The following CAMTA1 variants were observed in gnomAD, a reference collection of about 807,000 sequenced individuals.
CAMTA1 encodes the protein calmodulin-binding transcription activator 1.
Under a neutral mutation model 170.9 loss-of-function variants are expected in CAMTA1, and 27 were observed. The observed-to-expected ratio is 0.16, with a 90% confidence interval of 0.12 to 0.22. The LOEUF (loss-of-function observed/expected upper bound fraction) is 0.22, where lower values mean the gene tolerates loss of function less well. Ranked by LOEUF, CAMTA1 falls within the 10% of genes least tolerant of loss-of-function variation. The probability of loss-of-function intolerance (pLI) is 1.00; values close to 1 mark genes in which losing one functional copy is unlikely to be tolerated. For synonymous variants in CAMTA1, 833 were observed against 891.5 expected (o/e 0.93, Z 1.17); for missense variants, 1,619 against 2,217.2 (o/e 0.73, Z 5.42).
At chr1:7,102,599 G>A (rs1221255415) in intron 4 of CAMTA1, among the ~76,000 whole-genome samples, 1 of 152,202 alleles carries the variant, frequency 6.6e-6, no homozygotes, top group Non-Finnish European at 1.5e-5. Flanking sequence ...GCGCAAGGAT[G>A]GAGGAGGGAA....
intron 3 of CAMTA1, among the ~76,000 whole-genome samples, chr1:6,997,726 TC>T (rs1697531166): frequency 2.0e-5 from 3 of 148,092 alleles, no homozygotes. Context: ...AGTGGCTCGA[TC>T]TTGGCTCACT....
rs149715260 is a variant in CAMTA1, at chr1:7,374,775, C to A, written c.439-93055C>A. Among the ~76,000 whole-genome samples the A allele has an allele frequency of 4.8e-3, 735 of 152,336 alleles. 1 individual carries two copies. The highest frequency in any genetic ancestry group is 8.2e-3 in the Non-Finnish European group (555 of 68,028). On this transcript the variant is annotated intron_variant, in intron 5 of 22. Transcript: ENST00000303635. Reference sequence around the variant, plus strand: ...AGGAACTCTCTGGGCTTCTTACCAGCCTCTAGGCCACTCACTATTCATGCT... The same window carrying A: ...AGGAACTCTCTGGGCTTCTTACCAGACTCTAGGCCACTCACTATTCATGCT...
At chr1:7,406,677 T>C (rs2090317512) in intron 5 of CAMTA1, among the ~76,000 whole-genome samples, 1 of 151,686 alleles carries the variant, frequency 6.6e-6, no homozygotes, top group South Asian at 2.1e-4. Context: ...GAGAGATGCA[T>C]ACATGTATAC....
rs147199703 is a variant in CAMTA1 at position 7,559,554 on chromosome 1, G to A, written c.511-80846G>A. Reference sequence around the variant, plus strand: ...CCTGCCGACTTGGTGTTTTCACGCCGAGCACAGCTCGGAGCCCTGCAGAAG... The same window carrying A: ...CCTGCCGACTTGGTGTTTTCACGCCAAGCACAGCTCGGAGCCCTGCAGAAG... On this transcript the variant is annotated intron_variant, in intron 6 of 22. Coordinates refer to ENST00000303635, the MANE Select transcript of CAMTA1 (RefSeq NM_015215.4). Among the ~76,000 whole-genome samples the A allele has an allele frequency of 3.7e-4, 57 of 152,328 alleles. No homozygotes were observed. In the East Asian group the frequency reaches 0.01, roughly 27 times the overall value.
intron 3 of CAMTA1, among the ~76,000 whole-genome samples, chr1:6,929,171 T>C (rs1683909159): frequency 6.6e-6 from 1 of 152,172 alleles, no homozygotes; most frequent in African/African-American, 2.4e-5. Flanking sequence ...TCTTCTCTTT[T>C]TGTTTTGTTT....
chr1:7,103,890 CACA>C (rs1573064978), intron 4 of CAMTA1, among the ~76,000 whole-genome samples: 1 of 147,162 alleles, frequency 6.8e-6, no homozygotes, highest in Non-Finnish European at 1.5e-5. Flanking sequence ...CACATGTACA[CACA>C]ACACACAACT....
intron 5 of CAMTA1, among the ~76,000 whole-genome samples, chr1:7,388,938 C>T (rs976569803): frequency 2.0e-5 from 3 of 152,208 alleles, no homozygotes; most frequent in African/African-American, 4.8e-5. Flanking sequence ...CCCACCAGAC[C>T]GAGCTTCCTG....
chr1:7,504,932 G>A (rs1439640991), intron 6 of CAMTA1, among the ~76,000 whole-genome samples: 2 of 150,836 alleles, frequency 1.3e-5, no homozygotes, highest in Non-Finnish European at 1.5e-5. Context: ...CTTCACGGGC[G>A]GACATGGCAC....
intron 4 of CAMTA1, among the ~76,000 whole-genome samples, chr1:7,229,451 G>A (rs1475990637): frequency 4.7e-5 from 5 of 106,554 alleles, no homozygotes; most frequent in Admixed American, 1.9e-4. Context: ...GGGGTGTGAA[G>A]GGGAGAAGGA....
chr1:7,253,929 C>T (rs975598077), intron 5 of CAMTA1, among the ~76,000 whole-genome samples: 9 of 152,166 alleles, frequency 5.9e-5, no homozygotes, highest in Admixed American at 3.3e-4. Context: ...GTAAAGAGAA[C>T]GTGTGGTCCC....
At position 7,685,418 on chromosome 1, in the gene CAMTA1, C is replaced by A. The variant is rs80049809; in HGVS notation, c.2914+7685C>A. Among the ~76,000 whole-genome samples the A allele has an allele frequency of 6.6e-6, 1 of 152,178 alleles. No homozygotes were observed. Among genetic ancestry groups the A allele is most frequent in the Non-Finnish European group, 1.5e-5 (1 of 68,024 alleles). Reference sequence around the variant, plus strand: ...ACACACTGACCAGCTTGGCTCCTGCCGAGACCACAGCACATCCCTGTGGAC... The same window carrying A: ...ACACACTGACCAGCTTGGCTCCTGCAGAGACCACAGCACATCCCTGTGGAC... On this transcript the variant is annotated intron_variant, in intron 11 of 22. Transcript: ENST00000303635. This position sits in a 1 kb window ranked among gnomAD's most constrained non-coding sequence, Gnocchi z 5.7.
At chr1:7,055,119 C>A (rs1334446181) in intron 3 of CAMTA1, among the ~76,000 whole-genome samples, 1 of 152,200 alleles carries the variant, frequency 6.6e-6, no homozygotes, top group Non-Finnish European at 1.5e-5. Flanking sequence ...ATCCAGTCAC[C>A]TCCTACCAGA....
At chr1:6,936,198 C>T (rs1396187996) in intron 3 of CAMTA1, among the ~76,000 whole-genome samples, 1 of 152,196 alleles carries the variant, frequency 6.6e-6, no homozygotes, top group African/African-American at 2.4e-5. Context: ...CCATTAGTTC[C>T]TGCCTATGAT....
intron 5 of CAMTA1, among the ~76,000 whole-genome samples, chr1:7,425,637 T>C (rs1490226981): frequency 1.3e-5 from 2 of 151,210 alleles, no homozygotes; most frequent in African/African-American, 4.9e-5. Flanking sequence ...GCAGGAGCAA[T>C]CCCCCCTCCA....
At chr1:7,495,543 G>A (rs2093812977) in intron 6 of CAMTA1, among the ~76,000 whole-genome samples, 1 of 152,182 alleles carries the variant, frequency 6.6e-6, no homozygotes, top group Non-Finnish European at 1.5e-5. Context: ...TCCTGGCACA[G>A]CCAGGCAGAG....
At chr1:7,582,018 G>C (rs1269485655) in intron 6 of CAMTA1, among the ~76,000 whole-genome samples, 1 of 152,178 alleles carries the variant, frequency 6.6e-6, no homozygotes, top group Non-Finnish European at 1.5e-5. Context: ...CTCTGCTCTT[G>C]TTGGCTTTCT....
In CAMTA1 at chr1:6,794,837, T is replaced by C. The variant is rs1642046292; in HGVS notation, c.45+9262T>C. ...AATAGTTCTAAGTAAATCAAATTTT[T>C]ATAATCTTTTTTATTAGTTTATATT... On this transcript the variant is annotated intron_variant, in intron 1 of 22. Coordinates refer to ENST00000303635, the MANE Select transcript of CAMTA1 (RefSeq NM_015215.4). 1.3e-5 allele frequency among the ~76,000 whole-genome samples: 2 copies of C among 152,164 alleles called. 1 individual carries two copies. The highest frequency in any genetic ancestry group is 4.1e-4 in the South Asian group (2 of 4,836).
chr1:7,237,741 A>C (rs367918694), intron 4 of CAMTA1, among the ~76,000 whole-genome samples: 4 of 152,198 alleles, frequency 2.6e-5, no homozygotes, highest in Non-Finnish European at 1.5e-5. Context: ...GTGAGCTGCA[A>C]GTGTTTGGAG....
chr1:6,807,620 T>C (rs1644670276), intron 1 of CAMTA1, among the ~76,000 whole-genome samples: 1 of 151,022 alleles, frequency 6.6e-6, no homozygotes, highest in Admixed American at 6.6e-5. Context: ...CTTGGGAGGC[T>C]GAGGCAGGAG....
Sources: allele counts gnomAD v4.1 joint callset (sites outside exome capture counted in the v4.1 genomes callset), GRCh38; gene constraint gnomAD v4.1.1; non-coding constraint Gnocchi (gnomAD v3.1); transcripts MANE v1.5; gene names NCBI Gene and HGNC (gene_info 2026-07-23, HGNC 2026-07-21).